Variants in SLC4A10 observed in about 807,000 individuals in gnomAD.
SLC4A10 encodes the protein sodium-driven chloride bicarbonate exchanger.
In SLC4A10, 42 loss-of-function variants were observed where a neutral mutation model predicts 137.7. That is an observed-to-expected ratio of 0.30 (90% CI 0.24 to 0.39). The LOEUF (loss-of-function observed/expected upper bound fraction) is 0.39, where lower values mean the gene tolerates loss of function less well. Among genes scored for constraint, SLC4A10 ranks in the 10% least tolerant of loss-of-function variants. SLC4A10 has a pLI of 1.00. For synonymous variants in SLC4A10, 474 were observed against 464.1 expected (o/e 1.02, Z -0.27); for missense variants, 925 against 1,355.0 (o/e 0.68, Z 4.98).
intron 15 of SLC4A10, among the ~76,000 whole-genome samples, chr2:161,907,586 G>A (rs751186000): frequency 6.6e-6 from 1 of 152,198 alleles, no homozygotes; most frequent in Non-Finnish European, 1.5e-5. Flanking sequence ...GGTTGGTACA[G>A]AATGCTATAG....
intron 1 of SLC4A10, among the ~76,000 whole-genome samples, chr2:161,640,333 C>T (rs2035093276): frequency 6.6e-6 from 1 of 151,978 alleles, no homozygotes; most frequent in Non-Finnish European, 1.5e-5. Flanking sequence ...TCAACATTGT[C>T]TTGTATTTTC....
At chr2:161,907,028 C>A (rs1457585775) in intron 15 of SLC4A10, among the ~76,000 whole-genome samples, 1 of 142,828 alleles carries the variant, frequency 7.0e-6, no homozygotes, top group African/African-American at 2.6e-5. Flanking sequence ...TGCACTCCAG[C>A]CTGGGCGACA....
At chr2:161,645,962 A>AAT (rs2035976796) in intron 1 of SLC4A10, among the ~76,000 whole-genome samples, 1 of 152,022 alleles carries the variant, frequency 6.6e-6, no homozygotes, top group Non-Finnish European at 1.5e-5. Flanking sequence ...CATATACTTC[A>AAT]ATATATATAA....
At chr2:161,628,001 T>C (rs1342609731) in intron 1 of SLC4A10, among the ~76,000 whole-genome samples, 3 of 152,148 alleles carry the variant, frequency 2.0e-5, no homozygotes, top group African/African-American at 7.2e-5. Context: ...ATAATTGTTA[T>C]AACCTTTTTG....
At chr2:161,910,249 T>C (rs1258520211) in intron 15 of SLC4A10, among the ~76,000 whole-genome samples, 3 of 152,082 alleles carry the variant, frequency 2.0e-5, no homozygotes, top group Non-Finnish European at 4.4e-5. Flanking sequence ...AGCTACTCTG[T>C]CATCCTAACC....
chr2:161,891,218 G>T (rs1232187265), intron 10 of SLC4A10, among the ~76,000 whole-genome samples: 1 of 152,104 alleles, frequency 6.6e-6, no homozygotes, highest in Non-Finnish European at 1.5e-5. Flanking sequence ...CTTTCTGGCT[G>T]CCCTTAACAT....
chr2:161,983,060 CA>C (rs1216677884), intron 26 of SLC4A10, 118 bp from the exon 27 acceptor site: 1 of 774,202 alleles, frequency 1.3e-6, no homozygotes, highest in Non-Finnish European at 2.0e-6. Context: ...CATGAGAGAG[CA>C]ATGCCTACGG....
At chr2:161,841,267 A>G (rs947264175) in intron 4 of SLC4A10, among the ~76,000 whole-genome samples, 3 of 151,862 alleles carry the variant, frequency 2.0e-5, no homozygotes, top group Non-Finnish European at 4.4e-5. Flanking sequence ...TAGTAGAGAC[A>G]GGGTTTCACC....
At chr2:161,680,318 A>G (rs898409671) in intron 1 of SLC4A10, among the ~76,000 whole-genome samples, 1 of 152,210 alleles carries the variant, frequency 6.6e-6, no homozygotes, top group Non-Finnish European at 1.5e-5. Context: ...ACCTGCCAGT[A>G]TATGTATAGG....
chr2:161,692,511 C>T (rs557525751), intron 1 of SLC4A10, among the ~76,000 whole-genome samples: 35 of 152,116 alleles, frequency 2.3e-4, no homozygotes, highest in African/African-American at 7.5e-4. Flanking sequence ...GTACTTAACA[C>T]GTAATATGAA....
chr2:161,919,608 T>C (rs954925529), intron 15 of SLC4A10, among the ~76,000 whole-genome samples: 1 of 152,154 alleles, frequency 6.6e-6, no homozygotes, highest in African/African-American at 2.4e-5. Flanking sequence ...GGGTAGGAGC[T>C]ACCCACTTTG....
At chr2:161,742,840 G>T (rs571906716) in intron 1 of SLC4A10, among the ~76,000 whole-genome samples, 1 of 152,090 alleles carries the variant, frequency 6.6e-6, no homozygotes, top group South Asian at 2.1e-4. Flanking sequence ...TCATACTTTT[G>T]GTTTGCATTT....
At chr2:161,773,725 G>C (rs187166404) in intron 2 of SLC4A10, among the ~76,000 whole-genome samples, 3 of 151,694 alleles carry the variant, frequency 2.0e-5, no homozygotes, top group Non-Finnish European at 4.4e-5. Context: ...CAACAGGTTG[G>C]TATATTAGTT....
intron 1 of SLC4A10, among the ~76,000 whole-genome samples, chr2:161,746,890 C>T (rs1011971416): frequency 7.2e-5 from 11 of 152,102 alleles, no homozygotes; most frequent in African/African-American, 2.2e-4. Flanking sequence ...GAAGCTACGG[C>T]CTGGAATGGG....
At chr2:161,954,900 G>A (rs993911330) in intron 19 of SLC4A10, among the ~76,000 whole-genome samples, 5 of 151,896 alleles carry the variant, frequency 3.3e-5, no homozygotes, top group African/African-American at 9.7e-5. Flanking sequence ...AATCACTATC[G>A]CGACAAAGAT....
intron 15 of SLC4A10, among the ~76,000 whole-genome samples, chr2:161,926,043 A>C (rs1239712541): frequency 2.6e-5 from 4 of 151,966 alleles, no homozygotes; most frequent in Non-Finnish European, 4.4e-5. Flanking sequence ...TTTGGGGTGG[A>C]GAGTTCTGTA....
At chr2:161,974,480 C>CAAT (rs1379034451) in intron 24 of SLC4A10, among the ~76,000 whole-genome samples, 164 bp downstream of exon 24, 1 of 151,964 alleles carries the variant, frequency 6.6e-6, no homozygotes, top group Non-Finnish European at 1.5e-5. Context: ...TAAGTTTTGC[C>CAAT]AATAATAGCC....
chr2:161,901,608 T>A (rs1683132200), intron 12 of SLC4A10, among the ~76,000 whole-genome samples: 1 of 152,114 alleles, frequency 6.6e-6, no homozygotes, highest in African/African-American at 2.4e-5. Flanking sequence ...CTTCAGGGAA[T>A]ATGTGTATAG....
At chr2:161,648,842 G>GTAAC (rs2036420620) in intron 1 of SLC4A10, among the ~76,000 whole-genome samples, 1 of 152,138 alleles carries the variant, frequency 6.6e-6, no homozygotes, top group South Asian at 2.1e-4. Context: ...TACAGTCTGT[G>GTAAC]TAACTATTTC....
Sources: allele counts gnomAD v4.1 joint callset (sites outside exome capture counted in the v4.1 genomes callset), GRCh38; gene constraint gnomAD v4.1.1; transcripts MANE v1.5; gene names NCBI Gene and HGNC (gene_info 2026-07-23, HGNC 2026-07-21).